Variants in ZNF627 observed in about 807,000 individuals in gnomAD.
ZNF627 encodes zinc finger protein 627.
In ZNF627, 12 loss-of-function variants were observed where a neutral mutation model predicts 10.6. That is an observed-to-expected ratio of 1.13 (90% CI 0.73 to 1.84). ZNF627 has a LOEUF of 1.84. Among genes scored for constraint, ZNF627 ranks in the 40% most tolerant of loss-of-function variants. The probability of loss-of-function intolerance (pLI) is 0.00; values close to 1 mark genes in which losing one functional copy is unlikely to be tolerated. For missense variants in ZNF627, 504 were observed against 568.4 expected (o/e 0.89, Z 1.15); for synonymous variants, 176 against 187.1 (o/e 0.94, Z 0.48).
intron 1 of ZNF627, among the ~76,000 whole-genome samples, chr19:11,609,491 ATATATATATATATATATATATATATATG>A (rs1443201868): frequency 4.7e-5 from 1 of 21,060 alleles, no homozygotes; most frequent in Non-Finnish European, 8.4e-5. Context: ...ATATATATAT[ATATATATATATATATATATATATATATG>A]TATTTTTTCC....
chr19:11,609,469 TTTTATA>T lies in ZNF627; in HGVS notation c.4-5056_4-5051del, dbSNP rs1472024817. 2.4e-4 allele frequency among the ~76,000 whole-genome samples: 28 copies of T among 115,862 alleles called. 1 individual carries two copies. Among genetic ancestry groups the T allele is most frequent in the African/African-American group, 7.9e-4 (26 of 32,844 alleles). The allele number at this position is 115,862 out of a possible 152,430, so 76.0% of individuals were successfully genotyped here. A position where few individuals can be genotyped will look rare whatever the true frequency, so the allele number is the denominator to read the frequency against. On this transcript the variant is annotated intron_variant, in intron 1 of 3. Transcript: ENST00000361113. The stretch of plus-strand genomic sequence containing the variant: ...ACTTCCTGGGTAGTCTTTTAAAAAA[TTTTATA>T]TATATATATATATATATATATATAT...
At chr19:11,613,396 A>G (rs1599662467) in intron 1 of ZNF627, among the ~76,000 whole-genome samples, 1 of 150,138 alleles carries the variant, frequency 6.7e-6, no homozygotes, top group Admixed American at 6.6e-5. Context: ...GCAGGAAGCA[A>G]TTTTTCTATG....
At position 11,618,045 on chromosome 19, in the gene ZNF627, C is replaced by T; in HGVS notation, c.*156C>T. 1.7e-6 allele frequency: 1 copy of T among 587,354 alleles called. No homozygotes were observed. 36.4% of individuals were successfully genotyped at this position (587,354 alleles called of 1,614,324 possible). ...AAATTACGAGAGACTTGTGATAGGACAGTAAAACCTAGAGTTGGAGTTGGA... is the reference window on the plus strand; with the variant it reads ...AAATTACGAGAGACTTGTGATAGGATAGTAAAACCTAGAGTTGGAGTTGGA... On this transcript the variant is annotated 3_prime_UTR_variant, in exon 4 of 4. Coordinates refer to ENST00000361113, the MANE Select transcript of ZNF627 (RefSeq NM_145295.4).
At chr19:11,602,737 C>A (rs1973608918) in intron 1 of ZNF627, among the ~76,000 whole-genome samples, 1 of 152,196 alleles carries the variant, frequency 6.6e-6, no homozygotes, top group African/African-American at 2.4e-5. Flanking sequence ...TCAGCAAACA[C>A]CACACATTTG....
chr19:11,597,504 C>A lies in ZNF627; in HGVS notation c.-124C>A. ...CTTTGTTTCTGGCGACCGTCCCCACCCGGGCTCGCGTCTCCGTTTCTCCGA... is the reference window on the plus strand; with the variant it reads ...CTTTGTTTCTGGCGACCGTCCCCACACGGGCTCGCGTCTCCGTTTCTCCGA... On this transcript the variant is annotated 5_prime_UTR_variant, in exon 1 of 4. Transcript: ENST00000361113. 9.3e-7 allele frequency: 1 copy of A among 1,072,274 alleles called. No homozygotes were observed. Among genetic ancestry groups the A allele is most frequent in the Non-Finnish European group, 1.2e-6 (1 of 824,788 alleles). 66.4% of individuals were successfully genotyped at this position (1,072,274 alleles called of 1,614,324 possible).
chr19:11,615,593 ACT>A (rs1210491715), intron 3 of ZNF627, among the ~76,000 whole-genome samples: 2 of 148,016 alleles, frequency 1.4e-5, no homozygotes, highest in African/African-American at 2.5e-5. Context: ...ACAGAGTGAG[ACT>A]CTGTCTCAAA....
At chr19:11,602,775 C>T (rs1973609756) in intron 1 of ZNF627, among the ~76,000 whole-genome samples, 1 of 152,210 alleles carries the variant, frequency 6.6e-6, no homozygotes, top group Admixed American at 6.6e-5. Context: ...TGAAAAAAGA[C>T]ACTAGAGATC....
intron 1 of ZNF627, among the ~76,000 whole-genome samples, chr19:11,605,013 G>A (rs997852673): frequency 6.6e-6 from 1 of 151,954 alleles, no homozygotes; most frequent in Non-Finnish European, 1.5e-5. Flanking sequence ...GGGCTCTGAG[G>A]AGCTTGACTC....
chr19:11,616,815 T>A lies in ZNF627; in HGVS notation c.312T>A (p.Ser104Arg). The A allele has an allele frequency of 3.1e-6, 5 of 1,613,970 alleles. No homozygotes were observed. Among genetic ancestry groups the A allele is most frequent in the Non-Finnish European group, 4.2e-6 (5 of 1,179,960 alleles). The change falls in exon 4 of 4, where the codon AGT becomes AGA. Residue 104 changes from serine to arginine, a missense_variant. Physicochemically the swap from Ser to Arg is moderately radical, Grantham distance 110. Transcript: ENST00000361113. ...CTGGAGTAAAACCGTGTGAAAGCAG[T>A]GTGTGTGGAGAAGTTGGCATGGGTC... The part of the protein sequence containing the change: ...KTPGVKPCES[S>R]VCGEVGMGPS...
At chr19:11,598,930 C>G (rs115314270) in intron 1 of ZNF627, among the ~76,000 whole-genome samples, 1 of 152,154 alleles carries the variant, frequency 6.6e-6, no homozygotes, top group African/African-American at 2.4e-5. Context: ...GTCTGTAATC[C>G]CAACACTTTG....
In ZNF627 at chr19:11,617,101, T is replaced by G; in HGVS notation, c.598T>G (p.Cys200Gly). 6.2e-7 allele frequency: 1 copy of G among 1,614,088 alleles called. No individual in the cohort carries two copies. The highest frequency in any genetic ancestry group is 1.1e-5 in the South Asian group (1 of 91,076). The change falls in exon 4 of 4, where the codon TGT (cysteine) becomes GGT (glycine). Residue 200 changes from cysteine to glycine, a missense_variant. Cys to Gly is a radical substitution (Grantham distance 159, BLOSUM62 -3). Coordinates refer to ENST00000361113, the MANE Select transcript of ZNF627 (RefSeq NM_145295.4). ...AGGTGTACCTTACAAATGTAAGGTG[T>G]GTGGGAAAGCCTTTGATTATCCCAG... ...RGGVPYKCKV[C>G]GKAFDYPSLF...
intron 1 of ZNF627, among the ~76,000 whole-genome samples, chr19:11,612,827 G>C (rs978526049): frequency 1.3e-5 from 2 of 151,426 alleles, no homozygotes; most frequent in Non-Finnish European, 2.9e-5. Context: ...TGTTACATGG[G>C]TAAATTGCGT....
intron 1 of ZNF627, among the ~76,000 whole-genome samples, chr19:11,601,902 A>G (rs1973591778): frequency 6.7e-6 from 1 of 148,498 alleles, no homozygotes. Context: ...ACTACTCGGG[A>G]GGCTGAGGCA....
chr19:11,616,181 G>A (rs780901882), intron 3 of ZNF627, among the ~76,000 whole-genome samples: 2 of 151,410 alleles, frequency 1.3e-5, no homozygotes, highest in Non-Finnish European at 2.9e-5. Context: ...GGGATTACAC[G>A]CGTGCTCCAC....
At chr19:11,601,734 G>A (rs1028899115) in intron 1 of ZNF627, among the ~76,000 whole-genome samples, 9 of 152,146 alleles carry the variant, frequency 5.9e-5, no homozygotes, top group South Asian at 2.1e-4. Context: ...CAGGCTGGGC[G>A]TGGTGGCTCA....
intron 1 of ZNF627, among the ~76,000 whole-genome samples, chr19:11,613,874 G>C (rs891438664): frequency 6.6e-6 from 1 of 151,704 alleles, no homozygotes; most frequent in Non-Finnish European, 1.5e-5. Context: ...ACAGTCTCAG[G>C]GTGGCTAATG....
chr19:11,615,103 C>T (rs894045031), intron 3 of ZNF627, among the ~76,000 whole-genome samples: 14 of 151,616 alleles, frequency 9.2e-5, no homozygotes, highest in African/African-American at 1.7e-4. Flanking sequence ...CGTGCCACCA[C>T]GCCGAGCTAA....
intron 1 of ZNF627, 115 bp downstream of exon 1, chr19:11,597,745 C>T: frequency 8.7e-7 from 1 of 1,144,464 alleles, no homozygotes; most frequent in Non-Finnish European, 1.1e-6. Flanking sequence ...GTCTGGGACC[C>T]GAGTTCCCTC....
intron 1 of ZNF627, among the ~76,000 whole-genome samples, chr19:11,601,471 C>T (rs1973583790): frequency 6.6e-6 from 1 of 152,004 alleles, no homozygotes; most frequent in Non-Finnish European, 1.5e-5. Context: ...TCCCAAGTAC[C>T]TAGGACTAAA....
Sources: gnomAD v4.1 joint callset for allele counts (sites outside exome capture counted in the v4.1 genomes callset) on GRCh38, gnomAD v4.1.1 for gene constraint, MANE v1.5 for transcripts, NCBI Gene and HGNC (gene_info 2026-07-23, HGNC 2026-07-21) for gene names.